The following SFI1 variants were observed in gnomAD, a reference collection of about 807,000 sequenced individuals.
SFI1 encodes protein SFI1 homolog.
In SFI1, 195 loss-of-function variants were observed where a neutral mutation model predicts 207.5. The ratio of observed to expected loss-of-function variants is 0.94; its 90% CI spans 0.84 to 1.06. The LOEUF (loss-of-function observed/expected upper bound fraction) is 1.06. Ranked by LOEUF, SFI1 falls within the 50% of genes least tolerant of loss-of-function variation. SFI1 has a pLI of 0.00. For missense variants in SFI1, 1,634 were observed against 1,588.0 expected (o/e 1.03, Z -0.49); for synonymous variants, 630 against 598.9 (o/e 1.05, Z -0.76).
intron 15 of SFI1, among the ~76,000 whole-genome samples, chr22:31,601,022 A>G (rs1013465607): frequency 3.3e-5 from 5 of 152,052 alleles, no homozygotes; most frequent in African/African-American, 7.2e-5. Flanking sequence ...CTGTTGGTCA[A>G]TTGTCCCAGC....
rs1326010638 is a variant in SFI1, at chr22:31,611,310, C to T, written c.2415+7C>T. 1.3e-6 allele frequency: 2 copies of T among 1,582,288 alleles called. No individual in the cohort carries two copies. Among genetic ancestry groups the T allele is most frequent in the Non-Finnish European group, 1.7e-6 (2 of 1,161,260 alleles). On this transcript the variant is annotated splice_region_variant and intron_variant, in intron 23 of 32. Coordinates refer to ENST00000400288, the MANE Select transcript of SFI1 (RefSeq NM_001007467.3). ...GCAGTGTGTCAGGAAGAGGGTGAGG[C>T]TGACGGTGGCAACTCTCCAAGTTCT...
rs915325668 is a variant in SFI1, at chr22:31,616,855, TG to T, written c.3414del (p.Pro1139LeufsTer48). The T allele has an allele frequency of 4.3e-6, 7 of 1,612,372 alleles. No homozygotes were observed. The African/African-American group carries it at 8.0e-5, about 18-fold the overall frequency. On this transcript the variant is annotated frameshift_variant, in exon 30 of 33. Transcript: ENST00000400288. LOFTEE classifies it high-confidence loss of function. ...CTGGGGACTTCTCAGCCACCAGGGC[TG>T]GGCCTGGACTTTCAACTGCAGGTGT... The part of the protein sequence containing the change: ...LPGDFSATRA[G>X]PGLSTAGSLD...
chr22:31,508,598 C>A (rs911632758), intron 2 of SFI1, among the ~76,000 whole-genome samples: 2 of 152,126 alleles, frequency 1.3e-5, no homozygotes, highest in Non-Finnish European at 2.9e-5. Context: ...AAATATCAAT[C>A]ATTAAAATTT....
At chr22:31,529,267 G>A (rs2058235651) in intron 3 of SFI1, among the ~76,000 whole-genome samples, 1 of 152,162 alleles carries the variant, frequency 6.6e-6, no homozygotes. Context: ...AATTTATCAG[G>A]TCAGGTACGG....
rs982141616 is a variant in SFI1, at chr22:31,559,698, A to G, written c.663-1592A>G. The G allele has an allele frequency of 2.0e-5, 17 of 829,884 alleles. No homozygotes were observed. In the East Asian group the frequency reaches 4.0e-4, roughly 19 times the overall value. The allele number at this position is 829,884 out of a possible 1,614,324, so 51.4% of individuals were successfully genotyped here. ...GAACGTGTGATGACCATTATGCAGA[A>G]TCCATGCCAGTACAAGATCCCAGAC... On this transcript the variant is annotated intron_variant, in intron 7 of 32. Coordinates refer to ENST00000400288, the MANE Select transcript of SFI1 (RefSeq NM_001007467.3).
At chr22:31,529,953 G>A (rs966293233) in intron 3 of SFI1, among the ~76,000 whole-genome samples, 6 of 151,538 alleles carry the variant, frequency 4.0e-5, no homozygotes, top group African/African-American at 7.3e-5. Context: ...GGTGGATCAC[G>A]AGGTCAGGAG....
At chr22:31,588,516 A>G (rs2065333330) in intron 14 of SFI1, among the ~76,000 whole-genome samples, 1 of 152,184 alleles carries the variant, frequency 6.6e-6, no homozygotes, top group Admixed American at 6.5e-5. Flanking sequence ...CATGTTTTTA[A>G]AACCTCTACA....
intron 2 of SFI1, among the ~76,000 whole-genome samples, chr22:31,513,425 A>G (rs2146806533): frequency 6.6e-6 from 1 of 152,228 alleles, no homozygotes; most frequent in Admixed American, 6.5e-5. Context: ...TGCTCAGACT[A>G]CAGGCGTTAG....
At chr22:31,569,099 TAATG>T (rs1176379297) in intron 8 of SFI1, among the ~76,000 whole-genome samples, 1 of 152,160 alleles carries the variant, frequency 6.6e-6, no homozygotes, top group African/African-American at 2.4e-5. Flanking sequence ...ACCAGAGGGT[TAATG>T]AGAGAGAAGC....
intron 2 of SFI1, among the ~76,000 whole-genome samples, chr22:31,526,591 A>G (rs2057940130): frequency 6.6e-6 from 1 of 152,148 alleles, no homozygotes; most frequent in South Asian, 2.1e-4. Flanking sequence ...TTGAGACAAG[A>G]GTGTCACTTT....
At chr22:31,544,198 T>A (rs1018310192) in intron 4 of SFI1, among the ~76,000 whole-genome samples, 4 of 151,812 alleles carry the variant, frequency 2.6e-5, no homozygotes, top group Non-Finnish European at 5.9e-5. Flanking sequence ...AAAAAATTTT[T>A]AAAAAATCAG....
intron 10 of SFI1, among the ~76,000 whole-genome samples, chr22:31,575,839 T>A (rs1037462875): frequency 6.6e-6 from 1 of 152,184 alleles, no homozygotes; most frequent in Non-Finnish European, 1.5e-5. Context: ...TTATTGCGCT[T>A]TTACTACGTA....
rs745598759 is a variant in SFI1 at position 31,561,497 on chromosome 22, G to C, written c.765+105G>C. On this transcript the variant is annotated intron_variant, in intron 8 of 32. Transcript: ENST00000400288. Reference sequence around the variant, plus strand: ...TTCCCTGCAGCTCAGGGCCTGAGAGGGGGTGGGGACAGAGGTAATCTGGAA... The same window carrying C: ...TTCCCTGCAGCTCAGGGCCTGAGAGCGGGTGGGGACAGAGGTAATCTGGAA... 221 of 945,782 alleles carry C rather than the reference G, an allele frequency of 2.3e-4. 1 individual carries two copies. Among genetic ancestry groups the C allele is most frequent in the Middle Eastern group, 1.6e-3 (5 of 3,048 alleles). 58.6% of individuals were successfully genotyped at this position (945,782 alleles called of 1,614,324 possible).
At chr22:31,589,265 A>AT (rs2065487260) in intron 14 of SFI1, among the ~76,000 whole-genome samples, 182 bp from the exon 15 acceptor site, 1 of 151,446 alleles carries the variant, frequency 6.6e-6, no homozygotes, top group Non-Finnish European at 1.5e-5. Context: ...TTAAGTGAAA[A>AT]TTTTTTTACC....
At chr22:31,582,182 CCAA>C (rs1352092382) in intron 12 of SFI1, among the ~76,000 whole-genome samples, 9 of 109,892 alleles carry the variant, frequency 8.2e-5, no homozygotes, top group Non-Finnish European at 1.4e-4. Flanking sequence ...TTTCCTTCCC[CCAA>C]CAACACTTCT....
rs570974044 is a variant in SFI1 at position 31,504,027 on chromosome 22, C to T, written c.-30-4228C>T. Among the ~76,000 whole-genome samples the T allele has an allele frequency of 2.2e-4, 33 of 152,144 alleles. 3 individuals carry two copies. The highest frequency in any genetic ancestry group is 1.4e-3 in the Admixed American group (22 of 15,268). On this transcript the variant is annotated intron_variant, in intron 1 of 32. Transcript: ENST00000400288. ...TGTATTTTATCTGTGAGGTTACAGA[C>T]GTTGTTTTAGAGGCTGGAGATAGAA...
intron 10 of SFI1, among the ~76,000 whole-genome samples, chr22:31,576,315 G>T (rs62237790): frequency 1.4e-5 from 2 of 146,102 alleles, no homozygotes; most frequent in Admixed American, 1.4e-4. Context: ...ATGAGCCAGC[G>T]TACCCAGCCT....
intron 22 of SFI1, among the ~76,000 whole-genome samples, chr22:31,609,965 G>A (rs531737188): frequency 8.9e-4 from 136 of 152,312 alleles, no homozygotes; most frequent in African/African-American, 3.2e-3. Context: ...GCCGGAAGCC[G>A]CTGCTCTCTG....
At chr22:31,570,631 T>C (rs1417098523) in intron 8 of SFI1, among the ~76,000 whole-genome samples, 2 of 152,102 alleles carry the variant, frequency 1.3e-5, no homozygotes, top group Non-Finnish European at 2.9e-5. Context: ...CGGGGTGCGG[T>C]GGCTCATGCC....
Sources: allele counts gnomAD v4.1 joint callset (sites outside exome capture counted in the v4.1 genomes callset), GRCh38; gene constraint gnomAD v4.1.1; transcripts MANE v1.5; gene names NCBI Gene and HGNC (gene_info 2026-07-23, HGNC 2026-07-21).